HNRNPK: variants seen among roughly 807,000 people sequenced by gnomAD.
The protein encoded by HNRNPK is heterogeneous nuclear ribonucleoprotein K, also known as dC-stretch binding protein.
A neutral mutation model predicts 67.0 loss-of-function variants in HNRNPK; 7 were observed. That is an observed-to-expected ratio of 0.10 (90% confidence interval 0.06 to 0.20). HNRNPK has a LOEUF of 0.20. Ranked by LOEUF, HNRNPK falls within the 10% of genes least tolerant of loss-of-function variation. HNRNPK has a pLI of 1.00. For missense variants in HNRNPK, 264 were observed against 606.5 expected, an observed-to-expected ratio of 0.44 and a Z score of 5.93; for synonymous variants, 213 against 193.7, an observed-to-expected ratio of 1.10 and a Z score of -0.83.
chr9:83,973,409 G>T lies in HNRNPK; in HGVS notation c.403-10C>A. On this transcript the variant is annotated splice_polypyrimidine_tract_variant and intron_variant, in intron 8 of 16. Transcript: ENST00000376263. ...CTTTATAGTGTTGGTACTGTGGAGG[G>T]AGAATTATAAAATTTTAGTCTCAAA... 6.7e-7 allele frequency: 1 copy of T among 1,488,522 alleles called. No homozygotes were observed. Among genetic ancestry groups the T allele is most frequent in the Non-Finnish European group, 9.4e-7 (1 of 1,067,010 alleles). 92.2% of individuals were successfully genotyped at this position (1,488,522 alleles called of 1,614,324 possible).
In HNRNPK at chr9:83,977,147, T is replaced by C. The variant is rs1957104738; in HGVS notation, c.157-96A>G. On this transcript the variant is annotated intron_variant, in intron 4 of 16. Coordinates refer to ENST00000376263, the MANE Select transcript of HNRNPK (RefSeq NM_031263.4). Reference sequence around the variant, plus strand: ...TTTTGCTAAAAAATCCTCTAACCTGTTTGTTATAAGAATAAAAATCTATTT... The same window carrying C: ...TTTTGCTAAAAAATCCTCTAACCTGCTTGTTATAAGAATAAAAATCTATTT... 8 of 843,600 alleles carry C rather than the reference T, an allele frequency of 9.5e-6. No homozygotes were observed. The Admixed American group carries it at 1.8e-4, about 19-fold the overall frequency. The allele number at this position is 843,600 out of a possible 1,614,324, so 52.3% of individuals were successfully genotyped here.
chr9:83,973,806 C>A, intron 8 of HNRNPK, 96 bp downstream of exon 8: 1 of 901,944 alleles, frequency 1.1e-6, no homozygotes, highest in South Asian at 1.5e-5. Context: ...AAGCCTTTTT[C>A]TATAGAGATG....
chr9:83,970,031 G>A, intron 16 of HNRNPK, 131 bp downstream of exon 16: 1 of 705,640 alleles, frequency 1.4e-6, no homozygotes, highest in South Asian at 1.8e-5. Context: ...CAAACTATTA[G>A]AATGTTTAGA....
In HNRNPK at chr9:83,969,995, G is replaced by GT. The variant is rs3214659; in HGVS notation, c.1361+166dup. 79,211 of 648,324 alleles carry GT rather than the reference G, an allele frequency of 0.12. 5,413 individuals carry two copies. The highest frequency in any genetic ancestry group is 0.14 in the Non-Finnish European group (50,510 of 367,512). 40.2% of individuals were successfully genotyped at this position (648,324 alleles called of 1,614,324 possible). On this transcript the variant is annotated intron_variant, in intron 16 of 16. Transcript: ENST00000376263. Reference sequence around the variant, plus strand: ...TTAGTATTGAATGTCTTCATTTTTAGTAAGAAAGCAGAAGAAAAATTAAGG... The same window carrying GT: ...TTAGTATTGAATGTCTTCATTTTTAGTTAAGAAAGCAGAAGAAAAATTAAGG...
At chr9:83,978,106 A>C in intron 3 of HNRNPK, 89 bp downstream of exon 3, 1 of 834,306 alleles carries the variant, frequency 1.2e-6, no homozygotes, top group Non-Finnish European at 2.0e-6. Flanking sequence ...CCAAAAATTC[A>C]CCACACACTC....
At chr9:83,974,863 T>G (rs1423533969) in intron 6 of HNRNPK, among the ~76,000 whole-genome samples, 1 of 152,218 alleles carries the variant, frequency 6.6e-6, no homozygotes, top group Non-Finnish European at 1.5e-5. Context: ...TGACCAGAAC[T>G]GAAGCAGAGT....
intron 3 of HNRNPK, 135 bp from the exon 4 acceptor site, chr9:83,977,921 A>AT (rs1355351381): frequency 3.2e-6 from 2 of 625,842 alleles, no homozygotes; most frequent in Non-Finnish European, 5.6e-6. Context: ...CTTGAACGTT[A>AT]TGCTTCCATC....
intron 10 of HNRNPK, 145 bp downstream of exon 10, chr9:83,972,699 A>C: frequency 1.8e-6 from 1 of 559,784 alleles, no homozygotes; most frequent in South Asian, 3.2e-5. Context: ...TTTAAATTAA[A>C]GTGATGGCTG....
rs969233815 is a variant in HNRNPK, at chr9:83,974,077, T to C, written c.331-104A>G. ...TACAACATATTTTAAATCTATATTA[T>C]TAAATAATGAGAAACTGCTTTATTC... On this transcript the variant is annotated intron_variant, in intron 7 of 16. Transcript: ENST00000376263. The C allele has an allele frequency of 4.4e-6, 3 of 677,224 alleles. No homozygotes were observed. In the Admixed American group the frequency reaches 8.9e-5, roughly 20 times the overall value. 42.0% of individuals were successfully genotyped at this position (677,224 alleles called of 1,614,324 possible).
In HNRNPK at chr9:83,972,298, G is replaced by A. The variant is rs190701508; in HGVS notation, c.646-109C>T. ...AAAATGTAAGTCATTCCCCCATCAGGAGGTACTAGAGACAGAAACAGGAAT... is the reference window on the plus strand; with the variant it reads ...AAAATGTAAGTCATTCCCCCATCAGAAGGTACTAGAGACAGAAACAGGAAT... On this transcript the variant is annotated intron_variant, in intron 10 of 16. Transcript: ENST00000376263. 157 of 774,280 alleles carry A rather than the reference G, an allele frequency of 2.0e-4. 1 individual carries two copies. In the Admixed American group the frequency reaches 4.7e-3, roughly 23 times the overall value. The allele number at this position is 774,280 out of a possible 1,614,324, so 48.0% of individuals were successfully genotyped here. A position where few individuals can be genotyped will look rare whatever the true frequency, so the allele number is the denominator to read the frequency against.
chr9:83,977,872 T>C, intron 3 of HNRNPK, 86 bp from the exon 4 acceptor site: 1 of 840,036 alleles, frequency 1.2e-6, no homozygotes, highest in South Asian at 1.5e-5. Flanking sequence ...GTTGCTAATC[T>C]TAGGCATGTT....
rs1348453812 is a variant in HNRNPK at position 83,971,362 on chromosome 9, A to G, written c.1009-6T>C. 1 of 1,586,622 alleles carries G rather than the reference A, an allele frequency of 6.3e-7. No homozygotes were observed. The highest frequency in any genetic ancestry group is 8.7e-7 in the Non-Finnish European group (1 of 1,155,218). ...TCATCAGCACTGAAACCAACCTGTT[A>G]GAGATAAAAACATTAACATGAACCC... On this transcript the variant is annotated splice_polypyrimidine_tract_variant and splice_region_variant and intron_variant, in intron 12 of 16. Transcript: ENST00000376263.
Position 83,970,722 on chromosome 9 carries a change from A to G in HNRNPK, c.1191+15T>C, listed in dbSNP as rs1956792539. 1.4e-6 allele frequency: 2 copies of G among 1,385,646 alleles called. No individual in the cohort carries two copies. Among genetic ancestry groups the G allele is most frequent in the South Asian group, 2.4e-5 (2 of 84,648 alleles). 85.8% of individuals were successfully genotyped at this position (1,385,646 alleles called of 1,614,324 possible). A position where few individuals can be genotyped will look rare whatever the true frequency, so the allele number is the denominator to read the frequency against. The stretch of plus-strand genomic sequence containing the variant: ...AAAGTGATAAAATGTTCCTGGTAGT[A>G]TTAAAGATACTTACATCTTTGGGAA... On this transcript the variant is annotated intron_variant, in intron 15 of 16. Transcript: ENST00000376263.
chr9:83,970,462 C>CT, intron 15 of HNRNPK, 131 bp from the exon 16 acceptor site: 4 of 748,888 alleles, frequency 5.3e-6, no homozygotes, highest in Non-Finnish European at 8.6e-6. Flanking sequence ...CTCCCTAAAC[C>CT]TGTCAAGGTT....
At position 83,974,125 on chromosome 9, in the gene HNRNPK, T is replaced by C. The variant is rs555413152; in HGVS notation, c.331-152A>G. On this transcript the variant is annotated intron_variant, in intron 7 of 16. Transcript: ENST00000376263. ...TTCAACATTAAGACGATTCAAAACA[T>C]AAAATATTTTTCTCTATATACACCT... 1.7e-5 allele frequency: 9 copies of C among 544,666 alleles called. No individual in the cohort carries two copies. The African/African-American group carries it at 1.7e-4, about 10-fold the overall frequency. 33.7% of individuals were successfully genotyped at this position (544,666 alleles called of 1,614,324 possible). A position where few individuals can be genotyped will look rare whatever the true frequency, so the allele number is the denominator to read the frequency against.
chr9:83,971,628 ACCCTCACATAC>A (rs780563666), intron 12 of HNRNPK, 33 bp downstream of exon 12: 2 of 1,466,512 alleles, frequency 1.4e-6, no homozygotes, highest in East Asian at 4.5e-5. Flanking sequence ...CATTGTGACA[ACCCTCACATAC>A]CCAACACACT....
chr9:83,971,982 G>A lies in HNRNPK; in HGVS notation c.853C>T (p.Pro285Ser). Residue 285 changes from proline to serine, a missense_variant, in exon 11 of 17, where the codon CCT becomes TCT. This residue lies in a region of HNRNPK where 142 missense variants were observed against 256.5 expected (regional missense o/e 0.55). Transcript: ENST00000376263. ...GGAGGGGGAGGTGGTCCTCGACGAG[G>A]GCTCATATCATCATAATCTCTTCTA... Reference protein sequence around the residue: ...PSRRDYDDMSPRRGPPPPPPG... With the variant: ...PSRRDYDDMSSRRGPPPPPPG... 6.2e-7 allele frequency: 1 copy of A among 1,610,898 alleles called. No homozygotes were observed. Among genetic ancestry groups the A allele is most frequent in the Non-Finnish European group, 8.5e-7 (1 of 1,177,608 alleles).
At chr9:83,971,387 C>A (rs111450543) in intron 12 of HNRNPK, 31 bp from the exon 13 acceptor site, 1 of 1,432,266 alleles carries the variant, frequency 7.0e-7, no homozygotes, top group African/African-American at 1.4e-5. Flanking sequence ...AACATGAACC[C>A]GCATTGTATT....
At position 83,971,902 on chromosome 9, in the gene HNRNPK, T is replaced by A; in HGVS notation, c.933A>T (p.Pro311=). 3 of 1,558,266 alleles carry A rather than the reference T, an allele frequency of 1.9e-6. No homozygotes were observed. Among genetic ancestry groups the A allele is most frequent in the Non-Finnish European group, 2.6e-6 (3 of 1,153,508 alleles). ...CTTACCCCCCTCTAGGTGGTGGTGG[T>A]GGAGGAAGAGGAAGATTCCGAGCTC... ...GSRARNLPLP[P]PPPPRGGDLM... is the part of the protein sequence containing the mutation. The change falls in exon 11 of 17, where the codon CCA becomes CCT. Residue 311 remains proline (P), a synonymous_variant. Coordinates refer to ENST00000376263, the MANE Select transcript of HNRNPK (RefSeq NM_031263.4).
Sources: allele counts gnomAD v4.1 joint callset (sites outside exome capture counted in the v4.1 genomes callset), GRCh38; gene constraint gnomAD v4.1.1; regional missense constraint gnomAD v4.1.1; transcripts MANE v1.5; gene names NCBI Gene and HGNC (gene_info 2026-07-23, HGNC 2026-07-21).